The following SLC6A11 variants were observed in gnomAD, a reference collection of about 807,000 sequenced individuals.
SLC6A11 encodes solute carrier family 6 member 11.
SLC6A11 carries 25 observed loss-of-function variants against 74.8 expected under a neutral mutation model. That is an observed-to-expected ratio of 0.33 (90% CI 0.24 to 0.47). The LOEUF (loss-of-function observed/expected upper bound fraction) is 0.47, where lower values mean the gene tolerates loss of function less well. Among genes scored for constraint, SLC6A11 ranks in the 20% least tolerant of loss-of-function variants. The pLI is 1.00. For missense variants in SLC6A11, 574 were observed against 837.0 expected (o/e 0.69, Z 3.88); for synonymous variants, 330 against 330.2 (o/e 1.00, Z 0.01).
intron 6 of SLC6A11, among the ~76,000 whole-genome samples, chr3:10,895,339 C>CT (rs1220636071): frequency 2.0e-5 from 3 of 151,586 alleles, no homozygotes; most frequent in Admixed American, 6.6e-5. Flanking sequence ...GAACTTGGTA[C>CT]TTTTTTTTTC....
At chr3:10,873,802 C>G (rs200793853) in intron 5 of SLC6A11, among the ~76,000 whole-genome samples, 7 of 148,344 alleles carry the variant, frequency 4.7e-5, no homozygotes, top group South Asian at 2.5e-4. Context: ...CCTATCCTAT[C>G]CTATGCTATC....
At position 10,915,048 on chromosome 3, in the gene SLC6A11, C is replaced by T. The variant is rs1695437637; in HGVS notation, c.995+2855C>T. ...GAAAGAAACCACCCCATTACATAAGCAAGGAGATGGTGGCCCGTGGAGCTC... is the reference window on the plus strand; with the variant it reads ...GAAAGAAACCACCCCATTACATAAGTAAGGAGATGGTGGCCCGTGGAGCTC... On this transcript the variant is annotated intron_variant, in intron 7 of 13. Transcript: ENST00000254488. This position sits in a 1 kb window ranked among gnomAD's most constrained non-coding sequence, Gnocchi z 4.3. 6.6e-6 allele frequency among the ~76,000 whole-genome samples: 1 copy of T among 152,180 alleles called. No homozygotes were observed. The highest frequency in any genetic ancestry group is 1.5e-5 in the Non-Finnish European group (1 of 68,034).
At chr3:10,902,724 T>C (rs1288411628) in intron 6 of SLC6A11, among the ~76,000 whole-genome samples, 8 of 152,242 alleles carry the variant, frequency 5.3e-5, no homozygotes, top group African/African-American at 2.4e-5. Flanking sequence ...GGAGCCTGGC[T>C]AGAGCTATCT....
intron 6 of SLC6A11, among the ~76,000 whole-genome samples, chr3:10,895,051 T>G (rs954266658): frequency 2.0e-5 from 3 of 152,220 alleles, no homozygotes; most frequent in Admixed American, 6.5e-5. Flanking sequence ...TCTTCCTCTG[T>G]GAAGTGGAGA....
chr3:10,823,186 T>C, intron 3 of SLC6A11, 116 bp from the exon 4 acceptor site: 1 of 710,728 alleles, frequency 1.4e-6, no homozygotes, highest in Middle Eastern at 3.0e-4. Context: ...TGACGCATGT[T>C]TACCTGGAGT....
intron 4 of SLC6A11, 41 bp from the exon 5 acceptor site, chr3:10,844,173 C>T (rs778901801): frequency 1.2e-6 from 2 of 1,612,212 alleles, no homozygotes; most frequent in South Asian, 1.1e-5. Flanking sequence ...TGAAAATGGG[C>T]CAGCCCCAGC....
chr3:10,827,218 A>G (rs186526089), intron 4 of SLC6A11, among the ~76,000 whole-genome samples: 5 of 152,276 alleles, frequency 3.3e-5, no homozygotes, highest in Admixed American at 3.3e-4. Flanking sequence ...GAGAATATCC[A>G]TTTACCTTTG....
intron 6 of SLC6A11, among the ~76,000 whole-genome samples, chr3:10,910,618 C>T (rs1695373641): frequency 6.6e-6 from 1 of 151,984 alleles, no homozygotes; most frequent in Admixed American, 6.6e-5. Context: ...GAGGTTACAC[C>T]ACAGGCCTTC....
intron 7 of SLC6A11, among the ~76,000 whole-genome samples, chr3:10,914,278 A>T (rs1157678212): frequency 6.6e-6 from 1 of 152,162 alleles, no homozygotes; most frequent in Non-Finnish European, 1.5e-5. Context: ...GGGGTCTCTC[A>T]GTGTCCATTC....
chr3:10,821,504 A>G (rs1694137461), intron 3 of SLC6A11, among the ~76,000 whole-genome samples: 1 of 152,216 alleles, frequency 6.6e-6, no homozygotes, highest in South Asian at 2.1e-4. Context: ...CAAATCTCAA[A>G]TAGTCCATGG....
At chr3:10,833,794 C>A (rs963729571) in intron 4 of SLC6A11, among the ~76,000 whole-genome samples, 1 of 152,166 alleles carries the variant, frequency 6.6e-6, no homozygotes, top group Non-Finnish European at 1.5e-5. Context: ...GCTGTGGTCT[C>A]CTGTTATTAT....
chr3:10,913,673 A>G (rs892966671), intron 7 of SLC6A11, among the ~76,000 whole-genome samples: 1 of 152,182 alleles, frequency 6.6e-6, no homozygotes, highest in Non-Finnish European at 1.5e-5. Flanking sequence ...AAACACCAGT[A>G]AAAAAACAAG....
intron 6 of SLC6A11, among the ~76,000 whole-genome samples, chr3:10,887,892 T>C (rs940294534): frequency 2.0e-5 from 3 of 152,224 alleles, no homozygotes; most frequent in Non-Finnish European, 4.4e-5. Context: ...TGATAGGGAA[T>C]CATAAGAAAT....
At chr3:10,830,172 T>C (rs1694276283) in intron 4 of SLC6A11, among the ~76,000 whole-genome samples, 1 of 152,154 alleles carries the variant, frequency 6.6e-6, no homozygotes, top group Non-Finnish European at 1.5e-5. Flanking sequence ...GAAGGCTACA[T>C]GGAGTTGGTG....
chr3:10,849,724 C>A (rs1024656257), intron 5 of SLC6A11, among the ~76,000 whole-genome samples: 7 of 134,528 alleles, frequency 5.2e-5, no homozygotes, highest in Middle Eastern at 9.7e-3. Flanking sequence ...CTATCTTAGG[C>A]CAAAGCATGT....
chr3:10,880,456 T>A (rs1315029415), intron 6 of SLC6A11, among the ~76,000 whole-genome samples: 1 of 152,194 alleles, frequency 6.6e-6, no homozygotes, highest in Non-Finnish European at 1.5e-5. Context: ...TATTCAGGCC[T>A]CTTGCAGCTA....
In SLC6A11 at chr3:10,912,118, T is replaced by C; in HGVS notation, c.920T>C (p.Phe307Ser). 6.2e-7 allele frequency: 1 copy of C among 1,613,900 alleles called. No individual in the cohort carries two copies. The highest frequency in any genetic ancestry group is 8.5e-7 in the Non-Finnish European group (1 of 1,179,818). Residue 307 changes from phenylalanine (F) to serine (S), a missense_variant, in exon 7 of 14, where the codon TTT becomes TCT. By Grantham distance (155) the Phe-to-Ser change is radical. Coordinates refer to ENST00000254488, the MANE Select transcript of SLC6A11 (RefSeq NM_014229.3). ...QVWVDAGTQI[F>S]FSYAICLGCL... ...TGGGTAGATGCTGGAACGCAGATCT[T>C]TTTCTCCTATGCCATTTGCCTGGGC...
intron 6 of SLC6A11, among the ~76,000 whole-genome samples, chr3:10,890,330 G>C (rs913716176): frequency 1.1e-4 from 17 of 152,206 alleles, no homozygotes; most frequent in Non-Finnish European, 2.5e-4. Context: ...TGAAACAGCA[G>C]AGTTCTAAGA....
At chr3:10,867,060 G>A (rs773806797) in intron 5 of SLC6A11, among the ~76,000 whole-genome samples, 4 of 152,208 alleles carry the variant, frequency 2.6e-5, no homozygotes, top group Non-Finnish European at 5.9e-5. Flanking sequence ...GATGTTCAGT[G>A]CCATGCTTTC....
Sources: gnomAD v4.1 joint callset for allele counts (sites outside exome capture counted in the v4.1 genomes callset) on GRCh38, gnomAD v4.1.1 for gene constraint, Gnocchi (gnomAD v3.1) non-coding constraint, MANE v1.5 for transcripts, NCBI Gene and HGNC (gene_info 2026-07-23, HGNC 2026-07-21) for gene names.